Variants in RORA observed in about 807,000 individuals in gnomAD.
RORA encodes RAR related orphan receptor A, also known as nuclear receptor ROR-alpha.
A neutral mutation model predicts 69.5 loss-of-function variants in RORA; 7 were observed. That is an observed-to-expected ratio of 0.10 (90% CI 0.06 to 0.19). The LOEUF is 0.19. RORA is among the 10% of genes least tolerant of loss of function. The pLI is 1.00. For missense variants in RORA, 457 were observed against 663.0 expected, an observed-to-expected ratio of 0.69 and a Z score of 3.41; for synonymous variants, 261 against 240.8, an observed-to-expected ratio of 1.08 and a Z score of -0.78.
At chr15:60,735,444 G>C (rs2071484049) in intron 1 of RORA, among the ~76,000 whole-genome samples, 1 of 152,116 alleles carries the variant, frequency 6.6e-6, no homozygotes, top group African/African-American at 2.4e-5. Context: ...GAAAGCATAT[G>C]ACACCTCCAT....
chr15:60,831,387 T>A (rs2073039861), intron 1 of RORA, among the ~76,000 whole-genome samples: 1 of 152,000 alleles, frequency 6.6e-6, no homozygotes, highest in Non-Finnish European at 1.5e-5. Flanking sequence ...TCTCCTGACA[T>A]CCCAGCTTGA....
chr15:60,500,343 A>T (rs553553314), intron 9 of RORA, among the ~76,000 whole-genome samples: 6 of 152,316 alleles, frequency 3.9e-5, no homozygotes, highest in African/African-American at 1.2e-4. Flanking sequence ...TTTGGAATGA[A>T]ATATTCATTA....
intron 1 of RORA, among the ~76,000 whole-genome samples, chr15:60,783,213 G>T (rs1227527430): frequency 6.6e-6 from 1 of 152,106 alleles, no homozygotes; most frequent in Non-Finnish European, 1.5e-5. Context: ...GGAATCAGAG[G>T]ATTTACTTGA....
At chr15:60,896,335 C>T (rs1891230444) in intron 1 of RORA, among the ~76,000 whole-genome samples, 1 of 152,256 alleles carries the variant, frequency 6.6e-6, no homozygotes, top group East Asian at 1.9e-4. Context: ...AAAGCTAACA[C>T]ACTTGCACAA....
chr15:61,191,008 C>T (rs1374281407), intron 1 of RORA, among the ~76,000 whole-genome samples: 3 of 144,938 alleles, frequency 2.1e-5, no homozygotes, highest in Non-Finnish European at 4.5e-5. Context: ...AGGAAATGGT[C>T]CAAAAAAAAA....
chr15:60,788,902 C>T (rs868362473), intron 1 of RORA, among the ~76,000 whole-genome samples: 1 of 152,252 alleles, frequency 6.6e-6, no homozygotes, highest in Admixed American at 6.5e-5. Context: ...TTTCACACCA[C>T]ATTAATTTTT....
At chr15:61,120,933 C>T (rs1194818739) in intron 1 of RORA, among the ~76,000 whole-genome samples, 4 of 148,034 alleles carry the variant, frequency 2.7e-5, no homozygotes, top group East Asian at 2.0e-4. Flanking sequence ...CTGCAACCTC[C>T]GCCTCCCAGG....
intron 1 of RORA, among the ~76,000 whole-genome samples, chr15:61,078,614 G>T (rs141519785): frequency 6.6e-6 from 1 of 152,278 alleles, no homozygotes; most frequent in Non-Finnish European, 1.5e-5. Context: ...AGGATAAGGA[G>T]ATTGCAAAAG....
chr15:60,564,116 T>G (rs2067650798), intron 2 of RORA, among the ~76,000 whole-genome samples: 2 of 152,228 alleles, frequency 1.3e-5, no homozygotes, highest in African/African-American at 4.8e-5. Flanking sequence ...AGCACGGCTG[T>G]GGAGACATGT....
intron 1 of RORA, among the ~76,000 whole-genome samples, chr15:60,734,899 C>A (rs1457388271): frequency 6.6e-6 from 1 of 152,164 alleles, no homozygotes; most frequent in Non-Finnish European, 1.5e-5. Flanking sequence ...TTGTTTCTAG[C>A]CTGCTTTTAT....
chr15:60,977,069 T>C (rs1533940), intron 1 of RORA, among the ~76,000 whole-genome samples: 35,029 of 149,834 alleles, frequency 0.23, 4,376 homozygotes, highest in Non-Finnish European at 0.26. Flanking sequence ...CAATAATGTA[T>C]GTGGTTACCT....
intron 1 of RORA, among the ~76,000 whole-genome samples, chr15:60,828,160 A>G (rs1383789913): frequency 6.6e-6 from 1 of 152,132 alleles, no homozygotes; most frequent in Non-Finnish European, 1.5e-5. Flanking sequence ...GACAGCTATG[A>G]GGGAGTGGCG....
chr15:60,554,468 G>T (rs1208312554), intron 2 of RORA, among the ~76,000 whole-genome samples: 1 of 152,098 alleles, frequency 6.6e-6, no homozygotes, highest in Non-Finnish European at 1.5e-5. Flanking sequence ...GAATATGGGG[G>T]CTCTTTAATA....
intron 2 of RORA, among the ~76,000 whole-genome samples, chr15:60,615,901 A>G (rs1326588148): frequency 6.6e-6 from 1 of 152,022 alleles, no homozygotes; most frequent in Non-Finnish European, 1.5e-5. Flanking sequence ...CTCTCCATTC[A>G]CCCATGTGCC....
intron 1 of RORA, among the ~76,000 whole-genome samples, chr15:61,034,354 C>T (rs900319866): frequency 6.6e-6 from 1 of 152,126 alleles, no homozygotes; most frequent in Non-Finnish European, 1.5e-5. Flanking sequence ...GATTTTCTTA[C>T]GTTTCTCAGA....
rs376554860 is a variant in RORA, at chr15:60,716,823, G to A, written c.167-38137C>T. Among the ~76,000 whole-genome samples, 49 of 152,322 alleles carry A rather than the reference G, an allele frequency of 3.2e-4. No individual in the cohort carries two copies. In the South Asian group the frequency reaches 8.3e-3, roughly 26 times the overall value. On this transcript the variant is annotated intron_variant, in intron 1 of 10. Coordinates refer to ENST00000335670, the MANE Select transcript of RORA (RefSeq NM_134261.3). Reference sequence around the variant, plus strand: ...AGAGCTGAATATGTGGAGGTTCCTGGAGAATGGTGCCCCAGGGAGGGCATG... The same window carrying A: ...AGAGCTGAATATGTGGAGGTTCCTGAAGAATGGTGCCCCAGGGAGGGCATG...
At chr15:61,066,330 T>G (rs2078256962) in intron 1 of RORA, among the ~76,000 whole-genome samples, 1 of 152,128 alleles carries the variant, frequency 6.6e-6, no homozygotes, top group South Asian at 2.1e-4. Flanking sequence ...TAAAATTTCT[T>G]TCATCTGGGA....
At chr15:60,924,623 C>T (rs866701122) in intron 1 of RORA, among the ~76,000 whole-genome samples, 22 of 152,078 alleles carry the variant, frequency 1.4e-4, no homozygotes, top group Non-Finnish European at 2.4e-4. Flanking sequence ...CCTCATTAAT[C>T]AGTAAAGCAC....
chr15:60,513,428 C>T (rs1458099398), intron 4 of RORA, among the ~76,000 whole-genome samples: 1 of 152,084 alleles, frequency 6.6e-6, no homozygotes, highest in Non-Finnish European at 1.5e-5. Flanking sequence ...GCTGTGACTC[C>T]GCAATTATGA....
Sources: allele counts gnomAD v4.1 joint callset (sites outside exome capture counted in the v4.1 genomes callset), GRCh38; gene constraint gnomAD v4.1.1; transcripts MANE v1.5; gene names NCBI Gene and HGNC (gene_info 2026-07-23, HGNC 2026-07-21).